Variants in CACNG2 observed in about 807,000 individuals in gnomAD.
CACNG2 encodes the protein calcium voltage-gated channel auxiliary subunit gamma 2.
In CACNG2, 3 loss-of-function variants were observed where a neutral mutation model predicts 25.9. The ratio of observed to expected loss-of-function variants is 0.12; its 90% CI spans 0.05 to 0.30. CACNG2 has a LOEUF of 0.30. CACNG2 is among the 10% of genes least tolerant of loss of function. CACNG2 has a pLI of 1.00. For missense variants in CACNG2, 341 were observed against 432.5 expected (o/e 0.79, Z 1.88); for synonymous variants, 167 against 173.3 (o/e 0.96, Z 0.29).
intron 1 of CACNG2, among the ~76,000 whole-genome samples, chr22:36,683,752 G>C (rs1409588497): frequency 6.6e-6 from 1 of 152,130 alleles, no homozygotes; most frequent in Non-Finnish European, 1.5e-5. Context: ...ATGGTGTCTT[G>C]GGAGGGGGCA....
At chr22:36,590,465 C>A (rs960043839) in intron 1 of CACNG2, among the ~76,000 whole-genome samples, 1 of 152,112 alleles carries the variant, frequency 6.6e-6, no homozygotes, top group Non-Finnish European at 1.5e-5. Context: ...TAAGCCTGAG[C>A]CTAGTTGTCA....
At chr22:36,658,005 G>A (rs1936733552) in intron 1 of CACNG2, among the ~76,000 whole-genome samples, 1 of 152,174 alleles carries the variant, frequency 6.6e-6, no homozygotes, top group African/African-American at 2.4e-5. Flanking sequence ...TGAGCCTAGA[G>A]ACTTTTCACT....
intron 1 of CACNG2, among the ~76,000 whole-genome samples, chr22:36,675,086 G>A (rs548909983): frequency 1.3e-5 from 2 of 152,290 alleles, no homozygotes; most frequent in Non-Finnish European, 2.9e-5. Flanking sequence ...TGCCCAGGCC[G>A]AATGCAGTGT....
chr22:36,690,198 C>T (rs1052204272), intron 1 of CACNG2, among the ~76,000 whole-genome samples: 59 of 152,290 alleles, frequency 3.9e-4, no homozygotes, highest in African/African-American at 1.4e-3. Context: ...CGGCCACGCA[C>T]GGTGGAGCGG....
At position 36,661,088 on chromosome 22, in the gene CACNG2, G is replaced by A. The variant is rs149492748; in HGVS notation, c.211+41278C>T. Among the ~76,000 whole-genome samples the A allele has an allele frequency of 2.4e-3, 365 of 152,292 alleles. 2 individuals are homozygous for A. The highest frequency in any genetic ancestry group is 6.8e-3 in the Middle Eastern group (2 of 294). Reference sequence around the variant, plus strand: ...TTCCTTGGTGCTAAGCCCTATTACCGTGAAATCAATCAACTCCGTGCTCGG... The same window carrying A: ...TTCCTTGGTGCTAAGCCCTATTACCATGAAATCAATCAACTCCGTGCTCGG... On this transcript the variant is annotated intron_variant, in intron 1 of 3. Coordinates refer to ENST00000300105, the MANE Select transcript of CACNG2 (RefSeq NM_006078.5).
At chr22:36,579,882 C>T (rs1468682153) in intron 2 of CACNG2, among the ~76,000 whole-genome samples, 2 of 152,216 alleles carry the variant, frequency 1.3e-5, no homozygotes, top group Admixed American at 6.5e-5. Context: ...TCTGACCACC[C>T]TGTTGCAAAC....
chr22:36,573,027 G>A (rs3859843), intron 2 of CACNG2, among the ~76,000 whole-genome samples: 3,819 of 152,238 alleles, frequency 0.025, 122 homozygotes, highest in Admixed American at 0.087. Flanking sequence ...CCTGGATAAC[G>A]TGCTATGAAA....
chr22:36,611,704 T>G (rs1250290578), intron 1 of CACNG2, among the ~76,000 whole-genome samples: 1 of 152,248 alleles, frequency 6.6e-6, no homozygotes, highest in Non-Finnish European at 1.5e-5. Flanking sequence ...TGTGGGAGTC[T>G]GACCAGCCGC....
At chr22:36,598,266 A>G (rs1369358653) in intron 1 of CACNG2, among the ~76,000 whole-genome samples, 1 of 152,206 alleles carries the variant, frequency 6.6e-6, no homozygotes, top group South Asian at 2.1e-4. Flanking sequence ...GCATCATGCC[A>G]AATATTAGAA....
At chr22:36,671,619 T>C (rs1936951235) in intron 1 of CACNG2, among the ~76,000 whole-genome samples, 1 of 152,150 alleles carries the variant, frequency 6.6e-6, no homozygotes, top group African/African-American at 2.4e-5. Flanking sequence ...CAACAAACAA[T>C]TTTTTTGGAT....
rs1569057440 is a variant in CACNG2, at chr22:36,702,861, A to C, written c.-285T>G. ...TTTTTTTTTTAAAAAGAAAAGGAAA[A>C]AAAAAATAAAAAGACACCCCCCACC... On this transcript the variant is annotated 5_prime_UTR_variant, in exon 1 of 4. Transcript: ENST00000300105. The C allele has an allele frequency of 3.3e-6, 1 of 299,190 alleles. No homozygotes were observed. Among genetic ancestry groups the C allele is most frequent in the African/African-American group, 2.2e-5 (1 of 44,774 alleles). 18.5% of individuals were successfully genotyped at this position (299,190 alleles called of 1,614,324 possible). A position where few individuals can be genotyped will look rare whatever the true frequency, so the allele number is the denominator to read the frequency against.
intron 1 of CACNG2, among the ~76,000 whole-genome samples, chr22:36,618,568 C>T (rs1266720402): frequency 6.6e-6 from 1 of 152,200 alleles, no homozygotes; most frequent in Non-Finnish European, 1.5e-5. Flanking sequence ...TATCTCTGGT[C>T]TTGCCTCCAC....
In CACNG2 at chr22:36,564,266, A is replaced by G. The variant is rs1935084164; in HGVS notation, c.*85T>C. The G allele has an allele frequency of 8.0e-7, 1 of 1,249,960 alleles. No individual in the cohort carries two copies. Among genetic ancestry groups the G allele is most frequent in the Non-Finnish European group, 1.1e-6 (1 of 915,700 alleles). The allele number at this position is 1,249,960 out of a possible 1,614,324, so 77.4% of individuals were successfully genotyped here. A position where few individuals can be genotyped will look rare whatever the true frequency, so the allele number is the denominator to read the frequency against. ...TGTTTTTGCTTTTGGAAGGTCTCCC[A>G]GCGGAGGGTCTGGGTCTCCCCGCCC... On this transcript the variant is annotated 3_prime_UTR_variant, in exon 4 of 4. Coordinates refer to ENST00000300105, the MANE Select transcript of CACNG2 (RefSeq NM_006078.5). The surrounding 1 kb of genome is among the most constrained non-coding windows in gnomAD (Gnocchi z 6.7).
At chr22:36,572,507 G>C (rs1180470826) in intron 2 of CACNG2, among the ~76,000 whole-genome samples, 1 of 152,194 alleles carries the variant, frequency 6.6e-6, no homozygotes, top group Non-Finnish European at 1.5e-5. Flanking sequence ...TTCGAGACCA[G>C]CATGGCCAAT....
chr22:36,583,532 A>G (rs963035489), intron 2 of CACNG2, among the ~76,000 whole-genome samples: 1 of 152,142 alleles, frequency 6.6e-6, no homozygotes, highest in Non-Finnish European at 1.5e-5. Flanking sequence ...ATGGGTTGGA[A>G]TCTGCTTTTT....
At chr22:36,652,038 G>A (rs1186499701) in intron 1 of CACNG2, among the ~76,000 whole-genome samples, 1 of 152,092 alleles carries the variant, frequency 6.6e-6, no homozygotes, top group Non-Finnish European at 1.5e-5. Context: ...TAATATTTTT[G>A]TATTTTTAGT....
chr22:36,641,608 G>T (rs2145967196), intron 1 of CACNG2, among the ~76,000 whole-genome samples: 1 of 152,344 alleles, frequency 6.6e-6, no homozygotes, highest in South Asian at 2.1e-4. Context: ...AACTTCACTT[G>T]CTAAGAAATT....
rs964045586 is a variant in CACNG2, at chr22:36,561,893, C to G, written c.*2458G>C. ...GGTTGGTCCTTACACTGGGATGGAACTGCTAAAATTTTCCTCTCCATTCCC... is the reference window on the plus strand; with the variant it reads ...GGTTGGTCCTTACACTGGGATGGAAGTGCTAAAATTTTCCTCTCCATTCCC... On this transcript the variant is annotated 3_prime_UTR_variant, in exon 4 of 4. Transcript: ENST00000300105. The G allele has an allele frequency of 6.6e-6, 1 of 152,246 alleles. No homozygotes were observed. Among genetic ancestry groups the G allele is most frequent in the Non-Finnish European group, 1.5e-5 (1 of 68,098 alleles). 9.4% of individuals were successfully genotyped at this position (152,246 alleles called of 1,614,324 possible). A position where few individuals can be genotyped will look rare whatever the true frequency, so the allele number is the denominator to read the frequency against.
chr22:36,654,384 C>G (rs949988118), intron 1 of CACNG2, among the ~76,000 whole-genome samples: 1 of 149,522 alleles, frequency 6.7e-6, no homozygotes. Flanking sequence ...GGCCACCACG[C>G]CTGGCTAATT....
Sources: gnomAD v4.1 joint callset for allele counts (sites outside exome capture counted in the v4.1 genomes callset) on GRCh38, gnomAD v4.1.1 for gene constraint, Gnocchi (gnomAD v3.1) non-coding constraint, MANE v1.5 for transcripts, NCBI Gene and HGNC (gene_info 2026-07-23, HGNC 2026-07-21) for gene names.